Variants in C5orf63 observed in about 807,000 individuals in gnomAD.
C5orf63 encodes the protein chromosome 5 open reading frame 63, also known as glutaredoxin-like protein C5orf63.
C5orf63 carries 18 observed loss-of-function variants against 13.3 expected under a neutral mutation model. The observed-to-expected ratio is 1.36, with a 90% CI of 0.94 to 2.01. The LOEUF (loss-of-function observed/expected upper bound fraction) is 2.01. Among genes scored for constraint, C5orf63 ranks in the 30% most tolerant of loss-of-function variants. C5orf63 has a pLI of 0.00. For missense variants in C5orf63, 118 were observed against 127.7 expected (o/e 0.92, Z 0.36); for synonymous variants, 38 against 44.7 (o/e 0.85, Z 0.60).
intron 3 of C5orf63, among the ~76,000 whole-genome samples, chr5:127,056,680 CAT>C (rs1199764565): frequency 2.0e-5 from 3 of 152,190 alleles, no homozygotes; most frequent in Non-Finnish European, 4.4e-5. Context: ...AACCATATCA[CAT>C]GAGAAGAACT....
At chr5:127,043,472 G>A (rs183161292), downstream of C5orf63, 1 of 152,164 alleles carries the variant, frequency 6.6e-6, no homozygotes, top group African/African-American at 2.4e-5. Context: ...CAGGAGTCTT[G>A]CTAGTTTGCA....
intron 1 of C5orf63, 43 bp from the exon 2 acceptor site, chr5:127,071,728 A>G (rs1239423955): frequency 6.6e-6 from 1 of 152,260 alleles, no homozygotes; most frequent in East Asian, 1.9e-4. Flanking sequence ...AATAAGGAAC[A>G]TAAAAACACC....
chr5:127,063,563 T>C (rs1659116008), intron 2 of C5orf63, among the ~76,000 whole-genome samples: 1 of 152,174 alleles, frequency 6.6e-6, no homozygotes, highest in Non-Finnish European at 1.5e-5. Context: ...CACACCAAAT[T>C]TTCAAGCTCA....
downstream of C5orf63, chr5:127,047,176 C>G (rs1753537767): frequency 6.5e-6 from 1 of 153,530 alleles, no homozygotes; most frequent in African/African-American, 2.4e-5. Context: ...CCAAACTATT[C>G]CACTCCTTCA....
At chr5:127,059,281 T>C (rs1321095051) in intron 2 of C5orf63, among the ~76,000 whole-genome samples, 4 of 152,204 alleles carry the variant, frequency 2.6e-5, no homozygotes, top group Non-Finnish European at 5.9e-5. Flanking sequence ...CTGCATGGGT[T>C]TGTTAATTTG....
chr5:127,052,697 T>A, intron 3 of C5orf63, 28 bp from the exon 4 acceptor site: 1 of 1,463,054 alleles, frequency 6.8e-7, no homozygotes, highest in Non-Finnish European at 8.9e-7. Context: ...ACCCAAGCGA[T>A]TAAACCCAAA....
chr5:127,053,003 T>G (rs1447619257), intron 3 of C5orf63, among the ~76,000 whole-genome samples: 1 of 152,174 alleles, frequency 6.6e-6, no homozygotes, highest in Non-Finnish European at 1.5e-5. Flanking sequence ...CTAGGTCAGG[T>G]GCACCCTTGT....
At chr5:127,047,922 G>C (rs1753557726), downstream of C5orf63, 2 of 675,478 alleles carry the variant, frequency 3.0e-6, no homozygotes, top group Non-Finnish European at 2.7e-6. Context: ...GTTGCTATGG[G>C]AGAAAGAAAA....
intron 4 of C5orf63, 127 bp from the exon 5 acceptor site, chr5:127,052,074 C>T: frequency 4.2e-6 from 3 of 719,022 alleles, no homozygotes; most frequent in East Asian, 6.1e-5. Context: ...TGTTTTAGGT[C>T]CACAGTGATC....
chr5:127,045,996 G>A (rs1004459996), exon 5 of C5orf63: 2 of 152,152 alleles, frequency 1.3e-5, no homozygotes, highest in Non-Finnish European at 2.9e-5. Flanking sequence ...CTATTCTCAT[G>A]GGTCAAGATT....
intron 3 of C5orf63, among the ~76,000 whole-genome samples, chr5:127,056,981 G>GT (rs1753909399): frequency 6.6e-6 from 1 of 152,166 alleles, no homozygotes; most frequent in South Asian, 2.1e-4. Context: ...AATTGGTGTG[G>GT]TTTTTTCGTT....
intron 3 of C5orf63, among the ~76,000 whole-genome samples, chr5:127,055,271 G>A (rs976145547): frequency 3.3e-5 from 5 of 152,056 alleles, no homozygotes; most frequent in East Asian, 1.9e-4. Context: ...AAGTTCATAT[G>A]GAACCAAAAA....
In C5orf63 at chr5:127,052,664, T is replaced by C. The variant is rs1753722846; in HGVS notation, c.120A>G (p.Pro40=). The change falls in exon 4 of 5, where the codon CCA becomes CCG. Residue 40 remains proline, a synonymous_variant. Transcript: ENST00000296662. ...LPVLTLFTKD[P]CPLCDEAKEV... Reference sequence around the variant, plus strand: ...CCTTGGCTTCATCACAAAGGGGGCATGGGTCCTACAGGAAGAAAAAAAACC... The same window carrying C: ...CCTTGGCTTCATCACAAAGGGGGCACGGGTCCTACAGGAAGAAAAAAAACC... The C allele has an allele frequency of 3.3e-6, 5 of 1,508,504 alleles. No homozygotes were observed. The highest frequency in any genetic ancestry group is 2.6e-5 in the South Asian group (2 of 78,200). The allele number at this position is 1,508,504 out of a possible 1,614,324, so 93.4% of individuals were successfully genotyped here.
rs74482508 is a variant in C5orf63 at position 127,063,758 on chromosome 5, T to C, written c.-7-4756A>G. 4.9e-3 allele frequency among the ~76,000 whole-genome samples: 745 copies of C among 152,294 alleles called. 5 individuals carry two copies. Among genetic ancestry groups the C allele is most frequent in the African/African-American group, 0.017 (709 of 41,558 alleles). The stretch of plus-strand genomic sequence containing the variant: ...ATTACTGTAGCTCTCACTGAACCTA[T>C]ATTCCCTAAAGAAGACTCAGGGCTT... On this transcript the variant is annotated intron_variant, in intron 2 of 4. Transcript: ENST00000296662.
intron 3 of C5orf63, among the ~76,000 whole-genome samples, chr5:127,053,855 C>A (rs1580525839): frequency 6.6e-6 from 1 of 152,258 alleles, no homozygotes; most frequent in South Asian, 2.1e-4. Flanking sequence ...GGGGTTGGTT[C>A]CAAGTCTTTG....
At chr5:127,053,515 T>A (rs1409307430) in intron 3 of C5orf63, among the ~76,000 whole-genome samples, 1 of 152,150 alleles carries the variant, frequency 6.6e-6, no homozygotes, top group Non-Finnish European at 1.5e-5. Context: ...ACATGTGCCA[T>A]GTTGGTTTGC....
At chr5:127,043,169 A>C (rs951352623), downstream of C5orf63, 15 of 152,218 alleles carry the variant, frequency 9.9e-5, no homozygotes, top group Non-Finnish European at 2.2e-4. Context: ...TTTAAAAAAC[A>C]CTGCTTTAAA....
intron 2 of C5orf63, among the ~76,000 whole-genome samples, chr5:127,069,917 T>C (rs1754471719): frequency 6.6e-6 from 1 of 152,202 alleles, no homozygotes; most frequent in Non-Finnish European, 1.5e-5. Flanking sequence ...TCTCTGTATT[T>C]TCTCCTGGAA....
At chr5:127,051,144 T>C (rs1351609944), downstream of C5orf63, among the ~76,000 whole-genome samples, 3 of 152,312 alleles carry the variant, frequency 2.0e-5, no homozygotes, top group East Asian at 5.8e-4. Context: ...GTAGAGAATG[T>C]TGAGATTTTT....
Sources: gnomAD v4.1 joint callset for allele counts (sites outside exome capture counted in the v4.1 genomes callset) on GRCh38, gnomAD v4.1.1 for gene constraint, MANE v1.5 for transcripts, NCBI Gene and HGNC (gene_info 2026-07-23, HGNC 2026-07-21) for gene names.